Variants in ARHGEF4 observed in about 807,000 individuals in gnomAD.
The protein encoded by ARHGEF4 is Rho guanine nucleotide exchange factor 4.
In ARHGEF4, 119 loss-of-function variants were observed where a neutral mutation model predicts 162.0. That is an observed-to-expected ratio of 0.73 (90% CI 0.63 to 0.86). ARHGEF4 has a LOEUF of 0.86. Ranked by LOEUF, ARHGEF4 falls within the 40% of genes least tolerant of loss-of-function variation. The pLI, the probability that ARHGEF4 is intolerant of heterozygous loss-of-function variation, is 0.00. For synonymous variants in ARHGEF4, 1,014 were observed against 979.9 expected, an observed-to-expected ratio of 1.03 and a Z score of -0.65; for missense variants, 2,488 against 2,456.0, an observed-to-expected ratio of 1.01 and a Z score of -0.28.
At chr2:130,991,212 G>A (rs1006237880) in intron 4 of ARHGEF4, among the ~76,000 whole-genome samples, 1 of 152,318 alleles carries the variant, frequency 6.6e-6, no homozygotes, top group African/African-American at 2.4e-5. Context: ...TATGGGTGGG[G>A]GCAGATGACC....
chr2:130,998,611 T>C (rs1687556350), intron 4 of ARHGEF4, among the ~76,000 whole-genome samples: 1 of 152,222 alleles, frequency 6.6e-6, no homozygotes, highest in African/African-American at 2.4e-5. Flanking sequence ...TGCATTTGGG[T>C]TTCCTCTGTG....
intron 4 of ARHGEF4, among the ~76,000 whole-genome samples, chr2:130,957,397 A>T (rs769869086): frequency 6.6e-6 from 1 of 152,230 alleles, no homozygotes; most frequent in Non-Finnish European, 1.5e-5. Context: ...ATATGATTAC[A>T]TTTATATGAA....
intron 1 of ARHGEF4, among the ~76,000 whole-genome samples, chr2:130,906,656 C>A (rs1319879673): frequency 1.3e-5 from 2 of 152,216 alleles, no homozygotes; most frequent in African/African-American, 4.8e-5. Context: ...AGATTGCTAA[C>A]CCATAACTCT....
chr2:130,964,242 C>G, intron 4 of ARHGEF4: 3 of 985,756 alleles, frequency 3.0e-6, no homozygotes, highest in Non-Finnish European at 3.6e-6. Flanking sequence ...TGCGCTCGGC[C>G]ACCGCCGGTA....
chr2:130,995,286 A>G (rs1339706820), intron 4 of ARHGEF4, among the ~76,000 whole-genome samples: 2 of 152,162 alleles, frequency 1.3e-5, no homozygotes, highest in Non-Finnish European at 2.9e-5. Flanking sequence ...ATTCAGCTGT[A>G]CCTAATATGT....
chr2:131,042,607 A>G (rs898097481), intron 10 of ARHGEF4, among the ~76,000 whole-genome samples: 8 of 152,240 alleles, frequency 5.3e-5, no homozygotes, highest in African/African-American at 1.9e-4. Context: ...ATGAAAATAC[A>G]GATTCCAGGG....
intron 4 of ARHGEF4, among the ~76,000 whole-genome samples, chr2:130,951,438 C>T (rs1448265081): frequency 6.6e-6 from 1 of 152,162 alleles, no homozygotes; most frequent in Non-Finnish European, 1.5e-5. Context: ...CATATTGTGT[C>T]TCATGAATAG....
intron 3 of ARHGEF4, among the ~76,000 whole-genome samples, chr2:130,933,889 C>T (rs192507079): frequency 6.6e-6 from 1 of 152,280 alleles, no homozygotes; most frequent in Non-Finnish European, 1.5e-5. Context: ...TACTTTACTT[C>T]TTCCATTCCA....
At chr2:130,920,431 C>T (rs1356814580) in intron 2 of ARHGEF4, among the ~76,000 whole-genome samples, 1 of 152,198 alleles carries the variant, frequency 6.6e-6, no homozygotes, top group Admixed American at 6.5e-5. Flanking sequence ...TCGTATTCCT[C>T]TTTATGTTTC....
intron 1 of ARHGEF4, among the ~76,000 whole-genome samples, chr2:130,909,378 C>T (rs990360003): frequency 2.6e-5 from 4 of 152,122 alleles, no homozygotes; most frequent in Admixed American, 2.0e-4. Flanking sequence ...AACATGGGTG[C>T]ATTTCAAAAT....
At chr2:130,884,046 G>A (rs995553183) in intron 1 of ARHGEF4, among the ~76,000 whole-genome samples, 2 of 152,050 alleles carry the variant, frequency 1.3e-5, no homozygotes, top group Non-Finnish European at 2.9e-5. Context: ...TCCTCCTACT[G>A]ATTTTATGCA....
chr2:130,985,265 C>T (rs1009245567), intron 4 of ARHGEF4, among the ~76,000 whole-genome samples: 1 of 152,172 alleles, frequency 6.6e-6, no homozygotes, highest in South Asian at 2.1e-4. Flanking sequence ...AGGAGGGCTT[C>T]TGAGACCCCA....
chr2:130,893,665 G>C (rs988595505), intron 1 of ARHGEF4, among the ~76,000 whole-genome samples: 2 of 152,152 alleles, frequency 1.3e-5, no homozygotes, highest in African/African-American at 4.8e-5. Context: ...TCCCTACTTT[G>C]CCTTCAGGAC....
chr2:130,955,719 G>C (rs1396243541), intron 4 of ARHGEF4, among the ~76,000 whole-genome samples: 3 of 152,136 alleles, frequency 2.0e-5, no homozygotes, highest in Non-Finnish European at 4.4e-5. Flanking sequence ...CCTCAGAAAG[G>C]ATCACTTTCT....
intron 4 of ARHGEF4, among the ~76,000 whole-genome samples, chr2:130,988,510 C>A (rs1024472152): frequency 6.6e-6 from 1 of 152,172 alleles, no homozygotes; most frequent in South Asian, 2.1e-4. Context: ...CCAAAAAAAT[C>A]ATTCCAAATC....
chr2:130,886,843 T>C (rs947065315), intron 1 of ARHGEF4, among the ~76,000 whole-genome samples: 1 of 152,006 alleles, frequency 6.6e-6, no homozygotes, highest in Admixed American at 6.6e-5. Flanking sequence ...TTGGTAATTT[T>C]TTTTTTTGTA....
At chr2:130,927,617 G>A (rs1026216793) in intron 2 of ARHGEF4, among the ~76,000 whole-genome samples, 1 of 152,196 alleles carries the variant, frequency 6.6e-6, no homozygotes, top group Admixed American at 6.5e-5. Context: ...GCAGATTTCT[G>A]TTGGAGCTTT....
chr2:130,898,120 A>T (rs915009791), intron 1 of ARHGEF4, among the ~76,000 whole-genome samples: 12 of 152,222 alleles, frequency 7.9e-5, no homozygotes, highest in Admixed American at 7.2e-4. Context: ...CAGTTGTTTC[A>T]TGTTATCCAC....
rs189743679 is a variant in ARHGEF4 at position 130,856,994 on chromosome 2, G to C, written c.39+20002G>C. Among the ~76,000 whole-genome samples, 4 of 152,204 alleles carry C rather than the reference G, an allele frequency of 2.6e-5. No individual in the cohort carries two copies. In the East Asian group the frequency reaches 7.7e-4, roughly 29 times the overall value. ...TCCCAGCACTTTGGGAGGCCGAGGC[G>C]GGTGGATCACGAGGTCAGGAGATCA... On this transcript the variant is annotated intron_variant, in intron 1 of 13. Coordinates refer to ENST00000409359, the MANE Select transcript of ARHGEF4 (RefSeq NM_001367493.1).
Sources: allele counts gnomAD v4.1 joint callset (sites outside exome capture counted in the v4.1 genomes callset), GRCh38; gene constraint gnomAD v4.1.1; transcripts MANE v1.5; gene names NCBI Gene and HGNC (gene_info 2026-07-23, HGNC 2026-07-21).